Variants in ZNF570 observed in about 807,000 individuals in gnomAD.
ZNF570 encodes zinc finger protein 570.
In ZNF570, 8 loss-of-function variants were observed where a neutral mutation model predicts 14.2. The ratio of observed to expected loss-of-function variants is 0.56; its 90% CI spans 0.33 to 1.02. The LOEUF (loss-of-function observed/expected upper bound fraction) is 1.02. Ranked by LOEUF, ZNF570 falls within the 50% of genes least tolerant of loss-of-function variation. The probability of loss-of-function intolerance (pLI) is 0.03; values close to 1 mark genes in which losing one functional copy is unlikely to be tolerated. For synonymous variants in ZNF570, 202 were observed against 207.6 expected (o/e 0.97, Z 0.23); for missense variants, 559 against 624.9 (o/e 0.89, Z 1.12).
chr19:37,486,284 A>T lies in ZNF570; in HGVS notation c.*1051A>T, dbSNP rs1395885106. On this transcript the variant is annotated 3_prime_UTR_variant, in exon 5 of 5. Coordinates refer to ENST00000330173, the MANE Select transcript of ZNF570 (RefSeq NM_144694.5). ...GATTCTGGAAAATCATAGCTCCAAC[A>T]CTACTATGGCATTGCGTGACTTTGA... 1 of 152,112 alleles carries T rather than the reference A, an allele frequency of 6.6e-6. No individual in the cohort carries two copies. Among genetic ancestry groups the T allele is most frequent in the Non-Finnish European group, 1.5e-5 (1 of 68,028 alleles). 9.4% of individuals were successfully genotyped at this position (152,112 alleles called of 1,614,324 possible). A position where few individuals can be genotyped will look rare whatever the true frequency, so the allele number is the denominator to read the frequency against.
At chr19:37,468,617 T>G (rs1309353483), upstream of ZNF570, among the ~76,000 whole-genome samples, 2 of 152,246 alleles carry the variant, frequency 1.3e-5, no homozygotes, top group African/African-American at 4.8e-5. Context: ...GCAATTTTTC[T>G]GCCTCAGCCT....
At chr19:37,480,827 G>A (rs2042078903) in intron 4 of ZNF570, among the ~76,000 whole-genome samples, 1 of 151,762 alleles carries the variant, frequency 6.6e-6, no homozygotes, top group East Asian at 1.9e-4. Flanking sequence ...GTGTGTGCCT[G>A]TAGTTCCATT....
In ZNF570 at chr19:37,484,094, T is replaced by TTTTG; in HGVS notation, c.474_475insTGTT (p.Asp159CysfsTer2). The stretch of plus-strand genomic sequence containing the variant: ...GATAATCACTCATGAAGAACCCCTT[T>TTTTG]TTGATGAGAGAGAACAAGAATATAA... On this transcript the variant is annotated frameshift_variant, in exon 5 of 5. Coordinates refer to ENST00000330173, the MANE Select transcript of ZNF570 (RefSeq NM_144694.5). LOFTEE classifies it low-confidence loss of function (END_TRUNC). 1.2e-6 allele frequency: 2 copies of TTTTG among 1,614,088 alleles called. No homozygotes were observed. The highest frequency in any genetic ancestry group is 1.7e-6 in the Non-Finnish European group (2 of 1,180,016).
intron 4 of ZNF570, 68 bp downstream of exon 4, chr19:37,476,502 T>G: frequency 6.6e-7 from 1 of 1,505,718 alleles, no homozygotes; most frequent in Non-Finnish European, 8.9e-7. Flanking sequence ...AGGTATCACC[T>G]CTTCACTCTT....
rs2042137695 is a variant in ZNF570 at position 37,485,031 on chromosome 19, A to G, written c.1409A>G (p.Tyr470Cys). 8 of 1,614,104 alleles carry G rather than the reference A, an allele frequency of 5.0e-6. No individual in the cohort carries two copies. The highest frequency in any genetic ancestry group is 6.8e-6 in the Non-Finnish European group (8 of 1,180,030). Residue 470 changes from tyrosine to cysteine, a missense_variant, in exon 5 of 5, where the codon TAT (tyrosine) becomes TGT (cysteine). Physicochemically the swap from Tyr to Cys is radical, Grantham distance 194 (BLOSUM62 -2). Transcript: ENST00000330173. ...CGAGTTCATACTGGAGAGAAACCTT[A>G]TGAATGTACTGTTTGTGGAAAGGCT... Reference protein sequence around the residue: ...HQRVHTGEKPYECTVCGKAFS... With the variant: ...HQRVHTGEKPCECTVCGKAFS...
intron 4 of ZNF570, among the ~76,000 whole-genome samples, chr19:37,480,966 A>C (rs1287495790): frequency 6.6e-6 from 1 of 151,986 alleles, no homozygotes; most frequent in Non-Finnish European, 1.5e-5. Context: ...AAAACAAAAC[A>C]AAAAATTATC....
At chr19:37,480,708 T>G (rs1213907167) in intron 4 of ZNF570, among the ~76,000 whole-genome samples, 2 of 152,014 alleles carry the variant, frequency 1.3e-5, no homozygotes, top group Non-Finnish European at 2.9e-5. Context: ...ATCCCAGCAC[T>G]TTGGGAGGCC....
chr19:37,469,180 T>C (rs1290692405), upstream of ZNF570: 3 of 1,221,328 alleles, frequency 2.5e-6, no homozygotes, highest in African/African-American at 3.1e-5. Flanking sequence ...GAGGCCAGTG[T>C]GGGAGGACCT....
intron 3 of ZNF570, 117 bp downstream of exon 3, chr19:37,476,124 A>T (rs2042020725): frequency 7.0e-7 from 1 of 1,436,800 alleles, no homozygotes; most frequent in African/African-American, 1.4e-5. Flanking sequence ...TGCCTATGCC[A>T]AACAAATGGC....
chr19:37,473,525 G>A (rs1156412822), intron 2 of ZNF570, among the ~76,000 whole-genome samples: 1 of 152,154 alleles, frequency 6.6e-6, no homozygotes, highest in Non-Finnish European at 1.5e-5. Context: ...TTCTGGTGGA[G>A]TCAAATAACT....
intron 4 of ZNF570, among the ~76,000 whole-genome samples, chr19:37,479,901 ATT>A (rs1345649939): frequency 6.6e-6 from 1 of 152,204 alleles, no homozygotes; most frequent in East Asian, 1.9e-4. Context: ...TTGGATAAAC[ATT>A]TTTTAAAATC....
rs1245558739 is a variant in ZNF570, at chr19:37,485,507, TGC to T, written c.*275_*276del. The T allele has an allele frequency of 6.5e-6, 2 of 310,070 alleles. No homozygotes were observed. The highest frequency in any genetic ancestry group is 1.2e-5 in the Non-Finnish European group (2 of 169,766). 19.2% of individuals were successfully genotyped at this position (310,070 alleles called of 1,614,324 possible). A position where few individuals can be genotyped will look rare whatever the true frequency, so the allele number is the denominator to read the frequency against. ...ACTGCAACCTCTGACTCCCAGCCTC[TGC>T]CTCCAGGGTTCAAGCAATTCTCATG... On this transcript the variant is annotated 3_prime_UTR_variant, in exon 5 of 5. Coordinates refer to ENST00000330173, the MANE Select transcript of ZNF570 (RefSeq NM_144694.5).
intron 3 of ZNF570, 108 bp from the exon 4 acceptor site, chr19:37,476,230 CT>C: frequency 7.2e-7 from 1 of 1,380,320 alleles, no homozygotes; most frequent in Non-Finnish European, 9.8e-7. Context: ...ACACATTTCT[CT>C]TTTTGCTTAC....
chr19:37,470,761 C>T (rs1192590500), intron 2 of ZNF570, among the ~76,000 whole-genome samples: 1 of 131,218 alleles, frequency 7.6e-6, no homozygotes, highest in Non-Finnish European at 1.5e-5. Flanking sequence ...AGTGCAGTGG[C>T]GCAATATGGC....
upstream of ZNF570, chr19:37,469,074 G>A (rs1037162576): frequency 3.3e-5 from 34 of 1,016,338 alleles, no homozygotes; most frequent in Non-Finnish European, 4.0e-5. Flanking sequence ...TTCCACACCA[G>A]CCCGTGTAGT....
upstream of ZNF570, chr19:37,467,949 A>G: frequency 1.3e-6 from 2 of 1,535,918 alleles, no homozygotes; most frequent in Non-Finnish European, 1.7e-6. Context: ...GTGTTATTGG[A>G]TTTCATGACC....
In ZNF570 at chr19:37,470,351, A is replaced by G; in HGVS notation, c.-4A>G. ...CCCAAGAGAAGAGCCAGGAGGAAGA[A>G]AGAATGGCTGTTGGGCTTCTTAAAG... On this transcript the variant is annotated 5_prime_UTR_variant, in exon 2 of 5. Transcript: ENST00000330173. 6.2e-7 allele frequency: 1 copy of G among 1,614,148 alleles called. No individual in the cohort carries two copies. The highest frequency in any genetic ancestry group is 8.5e-7 in the Non-Finnish European group (1 of 1,179,972).
chr19:37,473,231 A>G (rs183819243), intron 2 of ZNF570, among the ~76,000 whole-genome samples: 33 of 152,276 alleles, frequency 2.2e-4, no homozygotes, highest in African/African-American at 6.5e-4. Flanking sequence ...CTTGAGGTTA[A>G]GTGATCATGA....
rs1280456441 is a variant in ZNF570 at position 37,482,829 on chromosome 19, CTCTCTCTCTCTCTTTCTT to C, written c.257-1036_257-1019del. ...TTTCCCCTGCTTTCTCTCTCTCTCTCTCTCTCTCTCTCTTTCTTTCTCTCTCTCTCTCTCCCCCTCCCC... is the reference window on the plus strand; with the variant it reads ...TTTCCCCTGCTTTCTCTCTCTCTCTCTCTCTCTCTCTCTCTCCCCCTCCCC... On this transcript the variant is annotated intron_variant, in intron 4 of 4. Transcript: ENST00000330173. Among the ~76,000 whole-genome samples, 5 of 151,500 alleles carry C rather than the reference CTCTCTCTCTCTCTTTCTT, an allele frequency of 3.3e-5. No individual in the cohort carries two copies. The East Asian group carries it at 5.9e-4, about 18-fold the overall frequency.
Sources: gnomAD v4.1 joint callset for allele counts (sites outside exome capture counted in the v4.1 genomes callset) on GRCh38, gnomAD v4.1.1 for gene constraint, MANE v1.5 for transcripts, NCBI Gene and HGNC (gene_info 2026-07-23, HGNC 2026-07-21) for gene names.